The following EPHA6 variants were observed in gnomAD, a reference collection of about 807,000 sequenced individuals.
The protein encoded by EPHA6 is EPH receptor A6, also known as ephrin type-A receptor 6.
A neutral mutation model predicts 112.0 loss-of-function variants in EPHA6; 50 were observed. That is an observed-to-expected ratio of 0.45 (90% CI 0.36 to 0.56). EPHA6 has a LOEUF of 0.56. Ranked by LOEUF, EPHA6 falls within the 20% of genes least tolerant of loss-of-function variation. The probability of loss-of-function intolerance (pLI) is 0.00; values close to 1 mark genes in which losing one functional copy is unlikely to be tolerated. For synonymous variants in EPHA6, 529 were observed against 490.7 expected (o/e 1.08, Z -1.03); for missense variants, 1,280 against 1,417.4 (o/e 0.90, Z 1.56).
intron 10 of EPHA6, among the ~76,000 whole-genome samples, chr3:97,521,163 T>C (rs181073284): frequency 6.6e-6 from 1 of 152,138 alleles, no homozygotes; most frequent in East Asian, 1.9e-4. Flanking sequence ...TTGAGCTTCT[T>C]TAACATCATT....
chr3:97,539,020 T>TTTC (rs1201183559), intron 11 of EPHA6, among the ~76,000 whole-genome samples: 5 of 151,130 alleles, frequency 3.3e-5, no homozygotes, highest in African/African-American at 1.2e-4. Flanking sequence ...TCTTTCTTTC[T>TTTC]TTCTTTCTTT....
intron 6 of EPHA6, among the ~76,000 whole-genome samples, chr3:97,434,578 C>G (rs544525850): frequency 6.6e-6 from 1 of 152,176 alleles, no homozygotes; most frequent in East Asian, 1.9e-4. Context: ...GATCAGTGAA[C>G]TGTTCCATAT....
At chr3:97,427,935 CGGTGCTGTCTATGG>C (rs1348363692) in intron 6 of EPHA6, among the ~76,000 whole-genome samples, 1 of 151,990 alleles carries the variant, frequency 6.6e-6, no homozygotes, top group Non-Finnish European at 1.5e-5. Flanking sequence ...AGGGTGGGGA[CGGTGCTGTCTATGG>C]GGCACTATGC....
chr3:96,941,386 C>A (rs1184273140), intron 2 of EPHA6, among the ~76,000 whole-genome samples: 1 of 152,120 alleles, frequency 6.6e-6, no homozygotes, highest in African/African-American at 2.4e-5. Flanking sequence ...TCCAGTTGAT[C>A]GCATCGGCTC....
intron 11 of EPHA6, among the ~76,000 whole-genome samples, chr3:97,534,184 T>A (rs1253246261): frequency 1.3e-5 from 2 of 152,160 alleles, no homozygotes; most frequent in African/African-American, 4.8e-5. Context: ...AAGAATTAAA[T>A]TTGTCAATGT....
intron 14 of EPHA6, among the ~76,000 whole-genome samples, chr3:97,684,198 G>A (rs1368583026): frequency 3.3e-5 from 5 of 151,918 alleles, no homozygotes; most frequent in Non-Finnish European, 5.9e-5. Context: ...TACTCAGCAC[G>A]TTTCATATTT....
chr3:97,651,203 A>T (rs1460212047), intron 14 of EPHA6, among the ~76,000 whole-genome samples: 5 of 152,132 alleles, frequency 3.3e-5, no homozygotes, highest in Non-Finnish European at 7.4e-5. Context: ...GTACAATTAC[A>T]TTCATTTCTT....
chr3:97,485,884 C>T (rs2107504701), intron 10 of EPHA6, among the ~76,000 whole-genome samples: 1 of 152,266 alleles, frequency 6.6e-6, no homozygotes, highest in South Asian at 2.1e-4. Flanking sequence ...CACATAGATA[C>T]AGGAGAAGCA....
intron 13 of EPHA6, among the ~76,000 whole-genome samples, chr3:97,615,155 A>G (rs1244739118): frequency 6.6e-6 from 1 of 152,166 alleles, no homozygotes; most frequent in African/African-American, 2.4e-5. Flanking sequence ...ACACAGAGCA[A>G]CGGGAACCTC....
chr3:96,846,291 A>G (rs547659163), intron 1 of EPHA6, among the ~76,000 whole-genome samples: 97 of 152,200 alleles, frequency 6.4e-4, no homozygotes, highest in South Asian at 2.3e-3. Context: ...CACAGTGCAT[A>G]ATAATTTCCT....
At chr3:97,153,893 C>A (rs956018701) in intron 3 of EPHA6, among the ~76,000 whole-genome samples, 2 of 152,094 alleles carry the variant, frequency 1.3e-5, no homozygotes, top group East Asian at 3.9e-4. Flanking sequence ...CGGCTGAGTG[C>A]AGTGGGTCGC....
At chr3:97,008,736 A>G (rs891049949) in intron 3 of EPHA6, among the ~76,000 whole-genome samples, 1 of 151,992 alleles carries the variant, frequency 6.6e-6, no homozygotes, top group Admixed American at 6.6e-5. Context: ...ATTCTCATCT[A>G]TGTGAATTTG....
intron 5 of EPHA6, among the ~76,000 whole-genome samples, chr3:97,271,263 C>T (rs1280674759): frequency 1.3e-5 from 2 of 152,230 alleles, no homozygotes; most frequent in Non-Finnish European, 2.9e-5. Flanking sequence ...TGAATATGCA[C>T]CCATACTCAC....
At chr3:97,407,325 T>C (rs955595117) in intron 6 of EPHA6, among the ~76,000 whole-genome samples, 2 of 150,264 alleles carry the variant, frequency 1.3e-5, no homozygotes, top group Non-Finnish European at 2.9e-5. Context: ...CTATGGTTTT[T>C]CATTGAAATC....
intron 11 of EPHA6, among the ~76,000 whole-genome samples, chr3:97,583,639 A>G (rs962846265): frequency 6.6e-6 from 1 of 152,208 alleles, no homozygotes; most frequent in African/African-American, 2.4e-5. Flanking sequence ...GAAATCAAAG[A>G]ACCAAATAAA....
chr3:97,053,868 C>T (rs986923956), intron 3 of EPHA6, among the ~76,000 whole-genome samples: 3 of 152,000 alleles, frequency 2.0e-5, no homozygotes, highest in African/African-American at 7.2e-5. Flanking sequence ...TCTTTCAAAG[C>T]CCTGTATCTC....
intron 2 of EPHA6, among the ~76,000 whole-genome samples, chr3:96,907,189 T>G (rs2038979165): frequency 6.6e-6 from 1 of 151,968 alleles, no homozygotes; most frequent in African/African-American, 2.4e-5. Context: ...TAGCACTTTC[T>G]TGAAGATTTT....
chr3:97,528,781 A>G (rs929706271), intron 10 of EPHA6, among the ~76,000 whole-genome samples: 1 of 152,182 alleles, frequency 6.6e-6, no homozygotes, highest in African/African-American at 2.4e-5. Flanking sequence ...TTGATACTTT[A>G]ATATGACCCT....
At chr3:97,198,860 A>C (rs2077507849) in intron 3 of EPHA6, among the ~76,000 whole-genome samples, 1 of 152,168 alleles carries the variant, frequency 6.6e-6, no homozygotes, top group Non-Finnish European at 1.5e-5. Context: ...TCACTGGCTT[A>C]AAGTTTGATA....
Sources: allele counts gnomAD v4.1 joint callset (sites outside exome capture counted in the v4.1 genomes callset), GRCh38; gene constraint gnomAD v4.1.1; transcripts MANE v1.5; gene names NCBI Gene and HGNC (gene_info 2026-07-23, HGNC 2026-07-21).